Variants in GANC observed in about 807,000 individuals in gnomAD.
GANC encodes glucosidase alpha, neutral C, also known as neutral alpha-glucosidase C.
Under a neutral mutation model 124.2 loss-of-function variants are expected in GANC, and 117 were observed. That is an observed-to-expected ratio of 0.94 (90% CI 0.81 to 1.10). GANC has a LOEUF of 1.10. Ranked by LOEUF, GANC falls within the 50% of genes least tolerant of loss-of-function variation. The probability of loss-of-function intolerance (pLI) is 0.00; values close to 1 mark genes in which losing one functional copy is unlikely to be tolerated. For synonymous variants in GANC, 377 were observed against 376.8 expected, an observed-to-expected ratio of 1.00 and a Z score of -0.01; for missense variants, 1,140 against 1,095.0, an observed-to-expected ratio of 1.04 and a Z score of -0.58.
rs376545454 is a variant in GANC, at chr15:42,330,670, A to G, written c.1739A>G (p.Tyr580Cys). 1.9e-6 allele frequency: 3 copies of G among 1,592,528 alleles called. No individual in the cohort carries two copies. Among genetic ancestry groups the G allele is most frequent in the Non-Finnish European group, 8.6e-7 (1 of 1,168,490 alleles). Residue 580 changes from tyrosine (Y) to cysteine (C), a missense_variant and splice_region_variant, in exon 15 of 24, where the codon TAT (tyrosine) becomes TGT (cysteine). Tyr to Cys is a radical substitution (Grantham distance 194). Transcript: ENST00000318010. ...TCTTTCTTTGCTGGATCACAAAAGT[A>G]TGGTAAGGAATGGCTCATATCAGAC... ...TRSFFAGSQK[Y>C]GAVWTGDNTA...
chr15:42,313,785 G>A (rs2052077472), intron 10 of GANC: 2 of 426,244 alleles, frequency 4.7e-6, no homozygotes, highest in Non-Finnish European at 8.4e-6. Flanking sequence ...ATGGTGACAT[G>A]GGCTGGGCAC....
chr15:42,343,279 A>G lies in GANC; in HGVS notation c.2229+125A>G, dbSNP rs563738059. The G allele has an allele frequency of 5.1e-6, 4 of 777,948 alleles. No individual in the cohort carries two copies. The South Asian group carries it at 6.7e-5, about 13-fold the overall frequency. The allele number at this position is 777,948 out of a possible 1,614,324, so 48.2% of individuals were successfully genotyped here. A position where few individuals can be genotyped will look rare whatever the true frequency, so the allele number is the denominator to read the frequency against. ...CCCCAGATGACTATAGCAAGTAATT[A>G]TTATAATAAGTCATGACCACTGTCC... On this transcript the variant is annotated intron_variant, in intron 19 of 23. Coordinates refer to ENST00000318010, the MANE Select transcript of GANC (RefSeq NM_198141.3).
At chr15:42,320,637 C>T (rs573397102) in intron 10 of GANC, among the ~76,000 whole-genome samples, 11 of 151,040 alleles carry the variant, frequency 7.3e-5, no homozygotes, top group Admixed American at 2.6e-4. Context: ...TTAGTAGAGA[C>T]GGGGTTTCAC....
intron 10 of GANC, among the ~76,000 whole-genome samples, chr15:42,315,170 T>G (rs967055759): frequency 1.3e-5 from 2 of 152,124 alleles, no homozygotes; most frequent in Non-Finnish European, 2.9e-5. Flanking sequence ...CTGTATCTAC[T>G]TTAAAAGATT....
At chr15:42,311,346 GAATA>G (rs2052048020) in intron 10 of GANC, among the ~76,000 whole-genome samples, 1 of 152,050 alleles carries the variant, frequency 6.6e-6, no homozygotes, top group Non-Finnish European at 1.5e-5. Flanking sequence ...AATTGGAAAA[GAATA>G]AATAAGATTA....
At position 42,338,394 on chromosome 15, in the gene GANC, G is replaced by T. The variant is rs370258614; in HGVS notation, c.1747G>T (p.Val583Leu). Residue 583 changes from valine to leucine, a missense_variant, in exon 16 of 24, where the codon GTG becomes TTG. By Grantham distance (32) the Val-to-Leu change is conservative. Transcript: ENST00000318010. ...FFAGSQKYGA[V>L]WTGDNTAEWS... ...ATTGTTGCTGGTGACCAAAGGTGCC[G>T]TGTGGACAGGCGACAACACAGCAGA... 2.5e-6 allele frequency: 4 copies of T among 1,612,784 alleles called. No homozygotes were observed. Among genetic ancestry groups the T allele is most frequent in the African/African-American group, 1.3e-5 (1 of 74,874 alleles).
chr15:42,315,817 C>A (rs538385526), intron 10 of GANC, among the ~76,000 whole-genome samples: 41 of 151,998 alleles, frequency 2.7e-4, no homozygotes, highest in African/African-American at 9.9e-4. Flanking sequence ...GACTAAGGTC[C>A]CTGGGGAAAA....
intron 17 of GANC, 64 bp from the exon 18 acceptor site, chr15:42,340,626 A>T: frequency 1.4e-5 from 16 of 1,166,710 alleles, no homozygotes; most frequent in Non-Finnish European, 1.6e-5. Flanking sequence ...AACTAAAAAT[A>T]TAAGTGATTG....
chr15:42,275,669 C>G (rs1342470281), intron 1 of GANC, among the ~76,000 whole-genome samples: 2 of 152,006 alleles, frequency 1.3e-5, no homozygotes, highest in African/African-American at 4.8e-5. Context: ...ATACATATAT[C>G]TCATTCATGT....
chr15:42,286,070 A>G (rs1595763847), intron 3 of GANC, among the ~76,000 whole-genome samples: 1 of 151,938 alleles, frequency 6.6e-6, no homozygotes, highest in Middle Eastern at 3.4e-3. Flanking sequence ...CTGAGTGAAT[A>G]ACTAAATGTA....
chr15:42,323,051 G>A (rs2052173668), intron 11 of GANC, among the ~76,000 whole-genome samples: 1 of 152,176 alleles, frequency 6.6e-6, no homozygotes, highest in South Asian at 2.1e-4. Context: ...ATATCAAGCT[G>A]TTATGGGCTA....
intron 11 of GANC, among the ~76,000 whole-genome samples, chr15:42,324,157 T>C (rs2052181860): frequency 6.6e-6 from 1 of 151,246 alleles, no homozygotes; most frequent in Admixed American, 6.6e-5. Flanking sequence ...GATACACAAA[T>C]AGCCAACAAG....
At chr15:42,347,217 A>G (rs188375250) in intron 20 of GANC, among the ~76,000 whole-genome samples, 13 of 151,398 alleles carry the variant, frequency 8.6e-5, no homozygotes, top group African/African-American at 3.1e-4. Flanking sequence ...CCAGTGAGGA[A>G]GGGGCATGTG....
At chr15:42,330,854 C>T (rs1275463802) in intron 15 of GANC, among the ~76,000 whole-genome samples, 182 bp downstream of exon 15, 1 of 135,868 alleles carries the variant, frequency 7.4e-6, no homozygotes, top group Non-Finnish European at 1.5e-5. Flanking sequence ...GTGGCACAGT[C>T]ATGACTCACT....
chr15:42,346,100 A>G (rs566482479), intron 20 of GANC, among the ~76,000 whole-genome samples: 27 of 152,302 alleles, frequency 1.8e-4, no homozygotes, highest in South Asian at 4.1e-4. Flanking sequence ...TTTTCTTCTT[A>G]CAAGGACACT....
intron 10 of GANC, among the ~76,000 whole-genome samples, chr15:42,315,450 T>A (rs1209878928): frequency 2.6e-5 from 4 of 152,152 alleles, no homozygotes; most frequent in African/African-American, 9.7e-5. Flanking sequence ...AAAATATCAC[T>A]TCACACCCAC....
In GANC at chr15:42,339,701, A is replaced by G. The variant is rs753293026; in HGVS notation, c.1876A>G (p.Thr626Ala). The stretch of plus-strand genomic sequence containing the variant: ...AGGCGGGTTCATTGGGAATCCAGAG[A>G]CAGAGCTGCTAGTGCGTTGGTACCA... ...DIGGFIGNPE[T>A]ELLVRWYQAG... The change falls in exon 17 of 24, where the codon ACA (threonine) becomes GCA (alanine). Residue 626 changes from threonine (T) to alanine (A), a missense_variant. Physicochemically the swap from Thr to Ala is moderately conservative, Grantham distance 58 (BLOSUM62 0). Transcript: ENST00000318010. 4 of 1,613,880 alleles carry G rather than the reference A, an allele frequency of 2.5e-6. No individual in the cohort carries two copies. The African/African-American group carries it at 5.3e-5, about 22-fold the overall frequency.
chr15:42,296,183 A>G (rs1420375762), intron 5 of GANC, among the ~76,000 whole-genome samples: 3 of 151,094 alleles, frequency 2.0e-5, no homozygotes, highest in African/African-American at 7.3e-5. Context: ...TGCTTAGAGT[A>G]TTGATCCCTT....
intron 3 of GANC, among the ~76,000 whole-genome samples, chr15:42,279,097 A>G (rs767579921): frequency 1.3e-5 from 2 of 152,258 alleles, no homozygotes; most frequent in Non-Finnish European, 2.9e-5. Context: ...TTGCCTGTGT[A>G]TCAGATGTTT....
Sources: allele counts gnomAD v4.1 joint callset (sites outside exome capture counted in the v4.1 genomes callset), GRCh38; gene constraint gnomAD v4.1.1; transcripts MANE v1.5; gene names NCBI Gene and HGNC (gene_info 2026-07-23, HGNC 2026-07-21).